Variants in WWOX observed in about 807,000 individuals in gnomAD.
WWOX encodes WW domain containing oxidoreductase, also known as WW domain-containing oxidoreductase.
A neutral mutation model predicts 46.2 loss-of-function variants in WWOX; 69 were observed. That is an observed-to-expected ratio of 1.49 (90% CI 1.23 to 1.82). WWOX has a LOEUF of 1.82. WWOX is among the 40% of genes most tolerant of loss of function. The probability of loss-of-function intolerance (pLI) is 0.00; values close to 1 mark genes in which losing one functional copy is unlikely to be tolerated. For missense variants in WWOX, 919 were observed against 542.6 expected (o/e 1.69, Z -6.89); for synonymous variants, 359 against 202.6 (o/e 1.77, Z -6.56).
At chr16:79,030,328 T>C (rs2047728082) in intron 8 of WWOX, among the ~76,000 whole-genome samples, 1 of 152,274 alleles carries the variant, frequency 6.6e-6, no homozygotes, top group African/African-American at 2.4e-5. Flanking sequence ...GCAGATCTTC[T>C]GAAAAGGAAT....
chr16:78,469,320 G>A (rs372246612), intron 8 of WWOX, among the ~76,000 whole-genome samples: 1 of 152,070 alleles, frequency 6.6e-6, no homozygotes, highest in African/African-American at 2.4e-5. Context: ...CCATCTAAGA[G>A]CAGAACAAGG....
rs12929201 is a variant in WWOX at position 79,074,913 on chromosome 16, A to C, written c.1057-136695A>C. 2.2e-4 allele frequency among the ~76,000 whole-genome samples: 33 copies of C among 152,176 alleles called. 1 individual carries two copies. The highest frequency in any genetic ancestry group is 1.6e-4 in the Non-Finnish European group (11 of 68,040). ...AAAAAGAAAAATAAACGTTTTGCCA[A>C]AGTGTAGTATATACAACAGATGTGA... On this transcript the variant is annotated intron_variant, in intron 8 of 8. Coordinates refer to ENST00000566780, the MANE Select transcript of WWOX (RefSeq NM_016373.4).
chr16:78,306,604 A>G (rs2080138326), intron 5 of WWOX, among the ~76,000 whole-genome samples: 2 of 152,116 alleles, frequency 1.3e-5, no homozygotes, highest in South Asian at 4.1e-4. Context: ...AAGAGTTGAG[A>G]CATTGCCTTC....
intron 5 of WWOX, among the ~76,000 whole-genome samples, chr16:78,319,702 C>A (rs111420689): frequency 9.9e-5 from 15 of 152,096 alleles, no homozygotes; most frequent in Non-Finnish European, 2.1e-4. Context: ...TTATCACATG[C>A]GTAGGTTCAT....
intron 8 of WWOX, among the ~76,000 whole-genome samples, chr16:79,102,006 C>T (rs942258609): frequency 2.9e-5 from 4 of 137,938 alleles, no homozygotes; most frequent in African/African-American, 5.4e-5. Context: ...CTCCTCCCAG[C>T]AGATGAAGAC....
At chr16:78,995,304 G>C (rs2046968064) in intron 8 of WWOX, among the ~76,000 whole-genome samples, 1 of 152,092 alleles carries the variant, frequency 6.6e-6, no homozygotes. Context: ...CGGCCAGTCT[G>C]CCCCTTGCCC....
intron 8 of WWOX, among the ~76,000 whole-genome samples, chr16:78,994,854 G>T (rs1490084075): frequency 6.6e-6 from 1 of 151,592 alleles, no homozygotes; most frequent in Non-Finnish European, 1.5e-5. Flanking sequence ...TTCAGGAGCT[G>T]TGAAGCCATT....
intron 8 of WWOX, among the ~76,000 whole-genome samples, chr16:78,724,743 C>T (rs945466668): frequency 6.6e-6 from 1 of 152,116 alleles, no homozygotes; most frequent in East Asian, 1.9e-4. Context: ...TTAACCATCT[C>T]CTGAACCCTG....
chr16:78,742,689 G>C (rs1440756519), intron 8 of WWOX, among the ~76,000 whole-genome samples: 1 of 152,184 alleles, frequency 6.6e-6, no homozygotes, highest in Non-Finnish European at 1.5e-5. Context: ...AGAGCGTTCT[G>C]CCCTGCGGTT....
At chr16:78,909,133 G>A (rs892640960) in intron 8 of WWOX, among the ~76,000 whole-genome samples, 3 of 152,206 alleles carry the variant, frequency 2.0e-5, no homozygotes, top group Admixed American at 2.0e-4. Context: ...GAGGTTAGAA[G>A]CAAGATAGAG....
chr16:78,838,316 A>G (rs865961316), intron 8 of WWOX, among the ~76,000 whole-genome samples: 14 of 152,196 alleles, frequency 9.2e-5, no homozygotes, highest in African/African-American at 3.1e-4. Context: ...ACAGTGAACC[A>G]GGAACCAGAA....
intron 8 of WWOX, among the ~76,000 whole-genome samples, chr16:78,935,905 C>G (rs1031622571): frequency 5.3e-5 from 8 of 151,864 alleles, no homozygotes; most frequent in Non-Finnish European, 1.0e-4. Flanking sequence ...GAGTGAGACC[C>G]TGTCTCAAAA....
At chr16:78,350,595 A>G (rs544543418) in intron 5 of WWOX, among the ~76,000 whole-genome samples, 2 of 120,904 alleles carry the variant, frequency 1.7e-5, no homozygotes, top group South Asian at 2.5e-4. Flanking sequence ...ACTTAGCATC[A>G]TGTTTTCAAG....
chr16:78,767,380 C>T (rs79725361), intron 8 of WWOX, among the ~76,000 whole-genome samples: 3,894 of 152,030 alleles, frequency 0.026, 176 homozygotes, highest in African/African-American at 0.09. Context: ...GGTCATCCAC[C>T]CGCCTGGGCT....
chr16:78,312,378 ATTCT>A (rs1487686994), intron 5 of WWOX, among the ~76,000 whole-genome samples: 1 of 77,678 alleles, frequency 1.3e-5, no homozygotes, highest in African/African-American at 5.6e-5. Context: ...TGTAGGTCTA[ATTCT>A]TTTTTTTTTT....
chr16:78,456,462 TAAC>T (rs750005714), intron 8 of WWOX, among the ~76,000 whole-genome samples: 2 of 152,222 alleles, frequency 1.3e-5, no homozygotes, highest in Non-Finnish European at 2.9e-5. Context: ...ATTGAGCACT[TAAC>T]AAAATACTTT....
At chr16:78,776,258 T>C (rs572726811) in intron 8 of WWOX, among the ~76,000 whole-genome samples, 5 of 152,244 alleles carry the variant, frequency 3.3e-5, no homozygotes, top group African/African-American at 4.8e-5. Context: ...ACAGGCTACA[T>C]TGGCTTGGCT....
chr16:78,917,414 C>T (rs577462420), intron 8 of WWOX, among the ~76,000 whole-genome samples: 80 of 152,192 alleles, frequency 5.3e-4, no homozygotes, highest in African/African-American at 1.7e-3. Context: ...AGCCACTGAC[C>T]TGCATTCGTG....
At chr16:79,192,416 G>A (rs1020077834) in intron 8 of WWOX, among the ~76,000 whole-genome samples, 1 of 152,062 alleles carries the variant, frequency 6.6e-6, no homozygotes, top group Non-Finnish European at 1.5e-5. Context: ...CCAAATACTG[G>A]GGAGATGTGT....
Sources: gnomAD v4.1 joint callset for allele counts (sites outside exome capture counted in the v4.1 genomes callset) on GRCh38, gnomAD v4.1.1 for gene constraint, MANE v1.5 for transcripts, NCBI Gene and HGNC (gene_info 2026-07-23, HGNC 2026-07-21) for gene names.